NLGN4X: variants seen among roughly 807,000 people sequenced by gnomAD.
NLGN4X encodes neuroligin-4, X-linked.
In NLGN4X, 3 loss-of-function variants were observed where a neutral mutation model predicts 40.3. The ratio of observed to expected loss-of-function variants is 0.07; its 90% confidence interval spans 0.03 to 0.19. The LOEUF is 0.19. Ranked by LOEUF, NLGN4X falls within the 10% of genes least tolerant of loss-of-function variation. The pLI is 1.00. For synonymous variants in NLGN4X, 270 were observed against 306.8 expected (o/e 0.88, Z 1.25); for missense variants, 382 against 708.3 (o/e 0.54, Z 5.23).
At chrX:6,108,909 A>G (rs1184450750) in intron 2 of NLGN4X, among the ~76,000 whole-genome samples, 1 of 110,908 alleles carries the variant, frequency 9.0e-6, no homozygotes, top group Non-Finnish European at 1.9e-5. Context: ...TCACTGTTTT[A>G]AGCAGCATGA....
At chrX:6,144,421 G>A (rs2040007370) in intron 2 of NLGN4X, among the ~76,000 whole-genome samples, 1 of 111,458 alleles carries the variant, frequency 9.0e-6, no homozygotes. Flanking sequence ...TTACCACTAA[G>A]ACAAATCTCC....
At chrX:5,897,165 A>G (rs2031538980) in intron 5 of NLGN4X, among the ~76,000 whole-genome samples, 1 of 111,768 alleles carries the variant, frequency 8.9e-6, no homozygotes, top group South Asian at 3.7e-4. Context: ...CTGACTTCCA[A>G]TAGCACATAA....
intron 3 of NLGN4X, among the ~76,000 whole-genome samples, chrX:5,946,207 G>A (rs968286644): frequency 9.0e-6 from 1 of 111,344 alleles, no homozygotes; most frequent in African/African-American, 3.3e-5. Flanking sequence ...CCACCCCCAT[G>A]ATCTAGCTGT....
At chrX:6,012,718 G>A (rs1217077904) in intron 3 of NLGN4X, among the ~76,000 whole-genome samples, 1 of 111,041 alleles carries the variant, frequency 9.0e-6, no homozygotes, top group Non-Finnish European at 1.9e-5. Context: ...ATAAGAAAAG[G>A]AGACGACACA....
chrX:6,171,913 A>T (rs764258251), intron 1 of NLGN4X, among the ~76,000 whole-genome samples: 1 of 111,147 alleles, frequency 9.0e-6, no homozygotes, highest in African/African-American at 3.3e-5. Flanking sequence ...TTGGTACTGT[A>T]TAGTGAGTGA....
In NLGN4X at chrX:6,009,739, G is replaced by A. The variant is rs191923804; in HGVS notation, c.625+19541C>T. On this transcript the variant is annotated intron_variant, in intron 3 of 5. Coordinates refer to ENST00000381095, the MANE Select transcript of NLGN4X (RefSeq NM_181332.3). Reference sequence around the variant, plus strand: ...TGCCACTGTCAAGTTTTGTGACCCTGACCACAAGCTTTCATTTCTTCATTT... The same window carrying A: ...TGCCACTGTCAAGTTTTGTGACCCTAACCACAAGCTTTCATTTCTTCATTT... 1.3e-4 allele frequency among the ~76,000 whole-genome samples: 15 copies of A among 112,141 alleles called. No homozygotes were observed. In the East Asian group the frequency reaches 4.2e-3, roughly 32 times the overall value.
At position 5,931,697 on chromosome X, in the gene NLGN4X, C is replaced by T. The variant is rs1305097283; in HGVS notation, c.626-22458G>A. On this transcript the variant is annotated intron_variant, in intron 3 of 5. Transcript: ENST00000381095. Reference sequence around the variant, plus strand: ...TGAGATGGTGAATAGAACATAATGCCCCTTCCTCCACAGAAATCTACTTTT... The same window carrying T: ...TGAGATGGTGAATAGAACATAATGCTCCTTCCTCCACAGAAATCTACTTTT... 2.7e-5 allele frequency among the ~76,000 whole-genome samples: 3 copies of T among 111,092 alleles called. No individual in the cohort carries two copies. In the Admixed American group the frequency reaches 2.9e-4, roughly 11 times the overall value.
At chrX:5,911,798 A>C (rs755063351) in intron 3 of NLGN4X, among the ~76,000 whole-genome samples, 106 of 112,126 alleles carry the variant, frequency 9.5e-4, no homozygotes, top group Non-Finnish European at 1.7e-3. Context: ...GATCTGACCT[A>C]ACCAACTCCA....
intron 1 of NLGN4X, among the ~76,000 whole-genome samples, chrX:6,215,338 G>C (rs771143172): frequency 9.1e-6 from 1 of 110,462 alleles, no homozygotes; most frequent in Non-Finnish European, 1.9e-5. Flanking sequence ...ATCACCTGAG[G>C]TCGGGAGTTC....
At chrX:6,170,948 G>T (rs2040593519) in intron 1 of NLGN4X, among the ~76,000 whole-genome samples, 1 of 110,822 alleles carries the variant, frequency 9.0e-6, no homozygotes, top group South Asian at 3.8e-4. Context: ...CTCAGCCTCT[G>T]CAGTAACTGG....
intron 3 of NLGN4X, among the ~76,000 whole-genome samples, chrX:5,932,240 T>G (rs1317370649): frequency 8.9e-6 from 1 of 111,750 alleles, no homozygotes; most frequent in Non-Finnish European, 1.9e-5. Context: ...TCAAACTTCT[T>G]CAGTGCGCCA....
At chrX:5,993,504 C>A (rs1266447475) in intron 3 of NLGN4X, among the ~76,000 whole-genome samples, 2 of 111,828 alleles carry the variant, frequency 1.8e-5, no homozygotes, top group African/African-American at 6.5e-5. Context: ...CTCACTCTGA[C>A]AACTGGAAAT....
Position 6,151,385 on chromosome X carries a change from A to G in NLGN4X, c.82T>C (p.Trp28Arg). The change falls in exon 2 of 6, where the codon TGG becomes CGG. Residue 28 changes from tryptophan (W) to arginine (R), a missense_variant. By Grantham distance (101) the Trp-to-Arg change is moderately radical. Around this residue, in one of 5 missense-constraint regions of NLGN4X, gnomAD observed 115 missense variants for 149.6 expected, o/e 0.77. Coordinates refer to ENST00000381095, the MANE Select transcript of NLGN4X (RefSeq NM_181332.3). ...CVMLNSNVLL[W>R]LTALAIKFTL... ...AACTTGATGGCAAGAGCAGTTAACCACAGGAGGACATTGGAGTTTAACATG... is the reference window on the plus strand; with the variant it reads ...AACTTGATGGCAAGAGCAGTTAACCGCAGGAGGACATTGGAGTTTAACATG... 8.3e-7 allele frequency: 1 copy of G among 1,211,776 alleles called. No homozygotes were observed. The highest frequency in any genetic ancestry group is 1.1e-6 in the Non-Finnish European group (1 of 895,363).
intron 3 of NLGN4X, among the ~76,000 whole-genome samples, chrX:5,920,929 T>C (rs1483463130): frequency 9.1e-6 from 1 of 110,109 alleles, no homozygotes; most frequent in Non-Finnish European, 1.9e-5. Context: ...TAAAGCTCCA[T>C]GGAAATGTGA....
chrX:6,042,496 C>T (rs888562238), intron 2 of NLGN4X, among the ~76,000 whole-genome samples: 1 of 104,971 alleles, frequency 9.5e-6, no homozygotes, highest in Non-Finnish European at 1.9e-5. Context: ...AATATTATCT[C>T]GAAGAATCTA....
chrX:6,004,220 G>A (rs2036046495), intron 3 of NLGN4X, among the ~76,000 whole-genome samples: 1 of 112,415 alleles, frequency 8.9e-6, no homozygotes. Context: ...CTTATTAAAT[G>A]AATGAAAGGA....
chrX:5,964,959 T>C (rs894050143), intron 3 of NLGN4X, among the ~76,000 whole-genome samples: 3 of 112,282 alleles, frequency 2.7e-5, no homozygotes, highest in African/African-American at 6.5e-5. Context: ...ATGTATAAAA[T>C]ATGAGCTTTC....
chrX:5,909,331 C>A, intron 3 of NLGN4X, 92 bp from the exon 4 acceptor site: 1 of 1,023,998 alleles, frequency 9.8e-7, no homozygotes, highest in Non-Finnish European at 1.4e-6. Flanking sequence ...AGCTTGTCTT[C>A]TTCATTCTCT....
intron 3 of NLGN4X, among the ~76,000 whole-genome samples, chrX:6,001,049 AAGG>A (rs1274483902): frequency 9.0e-6 from 1 of 111,572 alleles, no homozygotes; most frequent in Non-Finnish European, 1.9e-5. Context: ...TGGTGGTAGC[AAGG>A]AGAAGTGCTG....
Sources: gnomAD v4.1 joint callset for allele counts (sites outside exome capture counted in the v4.1 genomes callset) on GRCh38, gnomAD v4.1.1 for gene constraint, gnomAD v4.1.1 regional missense constraint, MANE v1.5 for transcripts, NCBI Gene and HGNC (gene_info 2026-07-23, HGNC 2026-07-21) for gene names.